DNAH14: variants seen among roughly 807,000 people sequenced by gnomAD.
DNAH14 encodes the protein axonemal beta dynein heavy chain 14.
A neutral mutation model predicts 520.9 loss-of-function variants in DNAH14; 478 were observed. The ratio of observed to expected loss-of-function variants is 0.92; its 90% CI spans 0.85 to 0.99. The LOEUF (loss-of-function observed/expected upper bound fraction) is 0.99, where lower values mean the gene tolerates loss of function less well. DNAH14 is among the 50% of genes least tolerant of loss of function. The probability of loss-of-function intolerance (pLI) is 0.00; values close to 1 mark genes in which losing one functional copy is unlikely to be tolerated. For missense variants in DNAH14, 4,831 were observed against 5,234.5 expected (o/e 0.92, Z 2.38); for synonymous variants, 1,581 against 1,757.2 (o/e 0.90, Z 2.51).
In DNAH14 at chr1:225,066,081, A is replaced by AT. The variant is rs199718537; in HGVS notation, c.2425-13122dup. ...AGGTGTGAGGTGATGACTCACTGTG[A>AT]TTTTAACTTGAATTTCCCTAGTGAT... On this transcript the variant is annotated intron_variant, in intron 17 of 85. Transcript: ENST00000682510. Among the ~76,000 whole-genome samples the AT allele has an allele frequency of 3.9e-3, 587 of 152,090 alleles. 5 individuals are homozygous for AT. Among genetic ancestry groups the AT allele is most frequent in the African/African-American group, 0.013 (555 of 41,540 alleles).
intron 60 of DNAH14, among the ~76,000 whole-genome samples, chr1:225,313,713 A>AG (rs2094414939): frequency 1.3e-5 from 2 of 152,152 alleles, no homozygotes; most frequent in African/African-American, 4.8e-5. Context: ...GTAGTCATTC[A>AG]GGAGCAGGTT....
chr1:225,120,596 G>C (rs776351655), intron 26 of DNAH14, among the ~76,000 whole-genome samples: 3 of 152,164 alleles, frequency 2.0e-5, no homozygotes, highest in Non-Finnish European at 4.4e-5. Context: ...ACCCAGGAAT[G>C]AAAAAGGACA....
Position 225,125,201 on chromosome 1 carries a change from C to T in DNAH14, c.4254+1587C>T, listed in dbSNP as rs149907068. On this transcript the variant is annotated intron_variant, in intron 27 of 85. Transcript: ENST00000682510. ...CTTAAGGGTCCTAGGATTTTCAAAA[C>T]GGTAAGTGAGCATTGGCTTCAATTT... Among the ~76,000 whole-genome samples the T allele has an allele frequency of 1.9e-4, 29 of 152,214 alleles. No homozygotes were observed. The East Asian group carries it at 4.1e-3, about 21-fold the overall frequency.
intron 21 of DNAH14, among the ~76,000 whole-genome samples, chr1:225,096,680 G>C (rs2075005977): frequency 6.6e-6 from 1 of 151,976 alleles, no homozygotes. Context: ...TATATAATAT[G>C]GTTGTATTTA....
intron 26 of DNAH14, among the ~76,000 whole-genome samples, chr1:225,120,218 G>A (rs1052156632): frequency 2.0e-4 from 31 of 152,172 alleles, no homozygotes; most frequent in Non-Finnish European, 2.5e-4. Context: ...CATAGCGGGG[G>A]TCAAAGTGAG....
chr1:225,042,546 G>A (rs2067575157), intron 12 of DNAH14, among the ~76,000 whole-genome samples: 1 of 152,130 alleles, frequency 6.6e-6, no homozygotes, highest in Non-Finnish European at 1.5e-5. Flanking sequence ...TCTGGGGATA[G>A]GACCTAAGAA....
chr1:225,335,735 A>G (rs2094984484), intron 66 of DNAH14, among the ~76,000 whole-genome samples: 2 of 85,722 alleles, frequency 2.3e-5, no homozygotes. Context: ...ACATATGTGC[A>G]TATATGTATA....
At chr1:225,076,968 G>A (rs370934720) in intron 17 of DNAH14, among the ~76,000 whole-genome samples, 115 of 151,922 alleles carry the variant, frequency 7.6e-4, no homozygotes, top group African/African-American at 2.6e-3. Flanking sequence ...AACAGGCCCC[G>A]GTGTGTGATG....
chr1:225,185,461 G>T (rs1372622222), intron 37 of DNAH14, 36 bp downstream of exon 37: 2 of 1,479,760 alleles, frequency 1.4e-6, no homozygotes, highest in African/African-American at 1.4e-5. Context: ...TTCTCTATTT[G>T]TTCATATCTT....
At chr1:225,158,178 T>C (rs981592281) in intron 34 of DNAH14, among the ~76,000 whole-genome samples, 1 of 152,184 alleles carries the variant, frequency 6.6e-6, no homozygotes, top group African/African-American at 2.4e-5. Context: ...GTTTAATATA[T>C]ACAATATATA....
Position 225,152,833 on chromosome 1 carries a change from G to T in DNAH14, c.5146G>T (p.Gly1716Ter), listed in dbSNP as rs745390944. ...TTTCAAATCTGCAAATTCACTCTCT[G>T]GAAAGCTAACTAACCTTTATGAATT... is the stretch of plus-strand genomic sequence containing the variant. ...FGFKSANSLS[G>*]KLTNLYELAR... is the part of the protein sequence containing the mutation. The change falls in exon 33 of 86, where the codon GGA becomes TGA. Residue 1716 changes from glycine (G) to a stop codon, truncating the protein, a stop_gained. Coordinates refer to ENST00000682510, the MANE Select transcript of DNAH14 (RefSeq NM_001367479.1). LOFTEE classifies it high-confidence loss of function. 3 of 1,551,084 alleles carry T rather than the reference G, an allele frequency of 1.9e-6. No individual in the cohort carries two copies. The South Asian group carries it at 3.6e-5, about 18-fold the overall frequency.
At chr1:225,228,706 G>A (rs1221115220) in intron 41 of DNAH14, among the ~76,000 whole-genome samples, 3 of 152,128 alleles carry the variant, frequency 2.0e-5, no homozygotes, top group Non-Finnish European at 4.4e-5. Context: ...TGGAATACGA[G>A]TTATAACCAC....
chr1:225,308,223 C>T (rs1445369553), intron 59 of DNAH14, 62 bp from the exon 60 acceptor site: 2 of 1,474,592 alleles, frequency 1.4e-6, no homozygotes, highest in Non-Finnish European at 1.8e-6. Context: ...TTGAATTGCT[C>T]TTTTAGAAAA....
At chr1:225,044,274 G>A (rs2067739919) in intron 15 of DNAH14, among the ~76,000 whole-genome samples, 1 of 152,212 alleles carries the variant, frequency 6.6e-6, no homozygotes, top group East Asian at 1.9e-4. Context: ...AAATGAGCAA[G>A]ATCTTTTATG....
chr1:225,317,111 A>C (rs2094481941), intron 60 of DNAH14, among the ~76,000 whole-genome samples: 1 of 152,208 alleles, frequency 6.6e-6, no homozygotes, highest in Admixed American at 6.5e-5. Flanking sequence ...GACATTCATT[A>C]ACCAGTTTTC....
At chr1:224,970,952 C>T (rs12071453) in intron 7 of DNAH14, among the ~76,000 whole-genome samples, 6,146 of 152,162 alleles carry the variant, frequency 0.04, 360 homozygotes, top group African/African-American at 0.13. Flanking sequence ...ATCCTGCACT[C>T]AAATATTTAT....
At chr1:225,207,588 TA>T (rs745875362) in intron 41 of DNAH14, among the ~76,000 whole-genome samples, 2 of 152,168 alleles carry the variant, frequency 1.3e-5, no homozygotes, top group Non-Finnish European at 2.9e-5. Flanking sequence ...TCATGAAAAG[TA>T]GTAAAACATA....
chr1:225,143,085 A>C lies in DNAH14; in HGVS notation c.4509-1312A>C, dbSNP rs116819616. ...CCTAAAACTAACAAAAGAAACTATTAGATATTCCTTTTGGTCTAGGGTCAT... is the reference window on the plus strand; with the variant it reads ...CCTAAAACTAACAAAAGAAACTATTCGATATTCCTTTTGGTCTAGGGTCAT... On this transcript the variant is annotated intron_variant, in intron 28 of 85. Transcript: ENST00000682510. Among the ~76,000 whole-genome samples the C allele has an allele frequency of 4.9e-3, 753 of 152,236 alleles. 6 individuals are homozygous for C. Among genetic ancestry groups the C allele is most frequent in the African/African-American group, 0.017 (712 of 41,550 alleles).
chr1:225,270,772 C>T lies in DNAH14; in HGVS notation c.7577C>T (p.Pro2526Leu), dbSNP rs1261628568. 2 of 1,551,110 alleles carry T rather than the reference C, an allele frequency of 1.3e-6. No individual in the cohort carries two copies. Among genetic ancestry groups the T allele is most frequent in the Admixed American group, 3.9e-5 (2 of 50,958 alleles). The change falls in exon 50 of 86, where the codon CCA becomes CTA. Residue 2526 changes from proline to leucine, a missense_variant. By Grantham distance (98) the Pro-to-Leu change is moderately conservative. Transcript: ENST00000682510. Reference protein sequence around the residue: ...QDLSIVAACVPVVNDISPRLL... With the variant: ...QDLSIVAACVLVVNDISPRLL... ...CTGTCTATAGTTGCAGCTTGTGTTC[C>T]AGTTGTGAATGATATCAGCCCACGT...
Sources: gnomAD v4.1 joint callset for allele counts (sites outside exome capture counted in the v4.1 genomes callset) on GRCh38, gnomAD v4.1.1 for gene constraint, MANE v1.5 for transcripts, NCBI Gene and HGNC (gene_info 2026-07-23, HGNC 2026-07-21) for gene names.